Variants in STARD13 observed in about 807,000 individuals in gnomAD.
STARD13 encodes stAR-related lipid transfer protein 13.
STARD13 carries 62 observed loss-of-function variants against 106.4 expected under a neutral mutation model. The ratio of observed to expected loss-of-function variants is 0.58; its 90% CI spans 0.48 to 0.72. STARD13 has a LOEUF of 0.72. STARD13 is among the 30% of genes least tolerant of loss of function. The pLI, the probability that STARD13 is intolerant of heterozygous loss-of-function variation, is 0.00. For synonymous variants in STARD13, 565 were observed against 553.0 expected, an observed-to-expected ratio of 1.02 and a Z score of -0.31; for missense variants, 1,387 against 1,424.0, an observed-to-expected ratio of 0.97 and a Z score of 0.42.
At chr13:33,360,912 C>T in the STARD13 span, among the ~76,000 whole-genome samples, 7 of 148,892 alleles carry the variant, frequency 4.7e-5, no homozygotes, top group Admixed American at 1.3e-4. Flanking sequence ...TCTCCTGCCT[C>T]AGCCTCCCCA....
At chr13:33,206,860 A>G (rs1422354469) in intron 1 of STARD13, among the ~76,000 whole-genome samples, 5 of 152,200 alleles carry the variant, frequency 3.3e-5, no homozygotes, top group Non-Finnish European at 5.9e-5. Context: ...CTAAGGCTAT[A>G]TGTTGGAATA....
intron 1 of STARD13, among the ~76,000 whole-genome samples, chr13:33,220,143 G>A (rs972479389): frequency 6.6e-6 from 1 of 152,068 alleles, no homozygotes; most frequent in African/African-American, 2.4e-5. Flanking sequence ...GCACATAATA[G>A]GCATTCAAAT....
At chr13:33,155,188 C>T (rs1349948150) in intron 3 of STARD13, among the ~76,000 whole-genome samples, 1 of 152,090 alleles carries the variant, frequency 6.6e-6, no homozygotes, top group African/African-American at 2.4e-5. Flanking sequence ...CCCAACACCT[C>T]AGCCCACCCT....
At chr13:33,619,048 T>G in the STARD13 span, among the ~76,000 whole-genome samples, 1 of 151,944 alleles carries the variant, frequency 6.6e-6, no homozygotes, top group Non-Finnish European at 1.5e-5. Context: ...CATGAAATAT[T>G]AGAAGCCATG....
chr13:33,161,795 T>A (rs1376810553), intron 3 of STARD13, among the ~76,000 whole-genome samples: 1 of 152,118 alleles, frequency 6.6e-6, no homozygotes. Flanking sequence ...TTGGACGTAG[T>A]CCAGTTCCAC....
chr13:33,657,144 C>A, the STARD13 span, among the ~76,000 whole-genome samples: 1 of 152,284 alleles, frequency 6.6e-6, no homozygotes, highest in African/African-American at 2.4e-5. Context: ...GTGGCGGGCG[C>A]CTATAGTCCC....
In STARD13 at chr13:33,153,431, G is replaced by A. The variant is rs1457124350; in HGVS notation, c.324-11058C>T. Among the ~76,000 whole-genome samples, 3 of 152,284 alleles carry A rather than the reference G, an allele frequency of 2.0e-5. No individual in the cohort carries two copies. In the East Asian group the frequency reaches 5.8e-4, roughly 29 times the overall value. On this transcript the variant is annotated intron_variant, in intron 3 of 13. Transcript: ENST00000336934. Reference sequence around the variant, plus strand: ...GGAGGATGGCCAGGAGTGCAGGAACGGAGGGACCAGGAAGAAGGACCAGAG... The same window carrying A: ...GGAGGATGGCCAGGAGTGCAGGAACAGAGGGACCAGGAAGAAGGACCAGAG...
the STARD13 span, among the ~76,000 whole-genome samples, chr13:33,460,216 G>A: frequency 3.9e-5 from 6 of 151,978 alleles, no homozygotes; most frequent in East Asian, 1.9e-4. Flanking sequence ...GGCCGGGCAC[G>A]ATGGCTCATG....
At chr13:33,217,267 G>GA (rs1404873386) in intron 1 of STARD13, among the ~76,000 whole-genome samples, 1 of 152,164 alleles carries the variant, frequency 6.6e-6, no homozygotes, top group Non-Finnish European at 1.5e-5. Flanking sequence ...CATTGTTTTT[G>GA]ATGGCATGTG....
chr13:33,645,886 C>T, the STARD13 span, among the ~76,000 whole-genome samples: 4 of 152,136 alleles, frequency 2.6e-5, no homozygotes, highest in African/African-American at 7.2e-5. Context: ...GCAATATCAC[C>T]AAGGGGATTT....
At chr13:33,656,042 AGTGG>A in the STARD13 span, among the ~76,000 whole-genome samples, 198 of 152,264 alleles carry the variant, frequency 1.3e-3, no homozygotes, top group Non-Finnish European at 2.4e-3. Context: ...TTTCTACTTA[AGTGG>A]GCAACTTCTC....
At chr13:33,456,680 C>T in the STARD13 span, among the ~76,000 whole-genome samples, 1 of 152,138 alleles carries the variant, frequency 6.6e-6, no homozygotes, top group East Asian at 1.9e-4. Flanking sequence ...CCATATGGCA[C>T]AGCCCTTATG....
Position 33,111,904 on chromosome 13 carries a change from CG to C in STARD13, c.2493-13del. 6.4e-7 allele frequency: 1 copy of C among 1,552,484 alleles called. No homozygotes were observed. The highest frequency in any genetic ancestry group is 8.9e-7 in the Non-Finnish European group (1 of 1,124,066). On this transcript the variant is annotated splice_polypyrimidine_tract_variant and intron_variant, in intron 9 of 13. Transcript: ENST00000336934. ...TCTTCTGTATGACTCTGTAATTGAA[CG>C]TGAGTGTGCTAAGCAGATCCCACAC...
At chr13:33,206,968 G>C (rs555235255) in intron 1 of STARD13, among the ~76,000 whole-genome samples, 2 of 152,282 alleles carry the variant, frequency 1.3e-5, no homozygotes, top group East Asian at 3.9e-4. Context: ...ATGCTCTGGA[G>C]ACCTCACAGA....
the STARD13 span, among the ~76,000 whole-genome samples, chr13:33,525,059 T>C: frequency 6.6e-6 from 1 of 152,140 alleles, no homozygotes; most frequent in East Asian, 1.9e-4. Flanking sequence ...TCTCGCTCTG[T>C]CACCCAGGCT....
chr13:33,282,138 T>G (rs116826843), intron 1 of STARD13, among the ~76,000 whole-genome samples: 6,546 of 152,192 alleles, frequency 0.043, 189 homozygotes, highest in African/African-American at 0.063. Context: ...CCATTCTTAT[T>G]TCCATTCTCT....
the STARD13 span, among the ~76,000 whole-genome samples, chr13:33,600,497 C>A: frequency 6.6e-6 from 1 of 152,172 alleles, no homozygotes; most frequent in East Asian, 1.9e-4. Context: ...TGTTTTAGAT[C>A]CATTTGTATG....
At chr13:33,665,580 G>A in the STARD13 span, among the ~76,000 whole-genome samples, 1 of 152,156 alleles carries the variant, frequency 6.6e-6, no homozygotes, top group South Asian at 2.1e-4. Context: ...AATTTTGATG[G>A]AAAGACAATG....
At chr13:33,270,301 T>C (rs761765029) in intron 1 of STARD13, among the ~76,000 whole-genome samples, 3 of 150,812 alleles carry the variant, frequency 2.0e-5, no homozygotes, top group Non-Finnish European at 4.4e-5. Flanking sequence ...CCTTGAGGAG[T>C]GGTATGAATT....
Sources: gnomAD v4.1 joint callset for allele counts (sites outside exome capture counted in the v4.1 genomes callset) on GRCh38, gnomAD v4.1.1 for gene constraint, MANE v1.5 for transcripts, NCBI Gene and HGNC (gene_info 2026-07-23, HGNC 2026-07-21) for gene names.